The following CACHD1 variants were observed in gnomAD, a reference collection of about 807,000 sequenced individuals.
CACHD1 encodes the protein cache domain containing 1.
A neutral mutation model predicts 138.7 loss-of-function variants in CACHD1; 71 were observed. The observed-to-expected ratio is 0.51, with a 90% CI of 0.42 to 0.62. The LOEUF is 0.62. Ranked by LOEUF, CACHD1 falls within the 20% of genes least tolerant of loss-of-function variation. The pLI is 0.00. For synonymous variants in CACHD1, 578 were observed against 591.5 expected (o/e 0.98, Z 0.33); for missense variants, 1,389 against 1,625.3 (o/e 0.85, Z 2.50).
At chr1:64,486,005 T>C (rs1159848039) in intron 1 of CACHD1, among the ~76,000 whole-genome samples, 1 of 152,202 alleles carries the variant, frequency 6.6e-6, no homozygotes, top group Non-Finnish European at 1.5e-5. Flanking sequence ...TCCTGGTTGC[T>C]CCACAGCCTC....
chr1:64,623,040 GT>G (rs985113687), intron 4 of CACHD1, among the ~76,000 whole-genome samples: 1 of 152,116 alleles, frequency 6.6e-6, no homozygotes, highest in African/African-American at 2.4e-5. Flanking sequence ...GAGTGTCTAG[GT>G]TTTAAGACAT....
At position 64,529,651 on chromosome 1, in the gene CACHD1, G is replaced by A. The variant is rs1448865958; in HGVS notation, c.199-20943G>A. ...ACACAACAGTCCTATGAAGTGGAAGGGAAGGAACTTAGGGCTTAGGTAATG... is the reference window on the plus strand; with the variant it reads ...ACACAACAGTCCTATGAAGTGGAAGAGAAGGAACTTAGGGCTTAGGTAATG... On this transcript the variant is annotated intron_variant, in intron 1 of 26. Transcript: ENST00000651257. Among the ~76,000 whole-genome samples the A allele has an allele frequency of 2.0e-5, 3 of 152,204 alleles. No homozygotes were observed. The East Asian group carries it at 5.8e-4, about 29-fold the overall frequency.
intron 1 of CACHD1, among the ~76,000 whole-genome samples, chr1:64,526,290 T>C (rs1440692252): frequency 6.6e-6 from 1 of 152,240 alleles, no homozygotes; most frequent in Non-Finnish European, 1.5e-5. Flanking sequence ...GTTTCTCTTC[T>C]CTGTGGCCCT....
At chr1:64,665,168 TCTAC>T (rs1324162710) in intron 15 of CACHD1, among the ~76,000 whole-genome samples, 1 of 151,770 alleles carries the variant, frequency 6.6e-6, no homozygotes, top group East Asian at 1.9e-4. Flanking sequence ...GAACAGAAAA[TCTAC>T]CTAGCCTCTA....
chr1:64,511,369 T>A (rs996693911), intron 1 of CACHD1, among the ~76,000 whole-genome samples: 1 of 152,188 alleles, frequency 6.6e-6, no homozygotes, highest in Non-Finnish European at 1.5e-5. Flanking sequence ...CCTGGTTCTT[T>A]CCATTATAGC....
intron 1 of CACHD1, among the ~76,000 whole-genome samples, chr1:64,510,261 A>G (rs1005983288): frequency 6.6e-6 from 1 of 152,190 alleles, no homozygotes; most frequent in Admixed American, 6.5e-5. Flanking sequence ...AGTTTTGGAC[A>G]TTTATTGCTG....
intron 1 of CACHD1, among the ~76,000 whole-genome samples, chr1:64,527,929 G>C (rs1304175644): frequency 6.6e-6 from 1 of 152,166 alleles, no homozygotes; most frequent in Non-Finnish European, 1.5e-5. Flanking sequence ...CCCAGTGCTT[G>C]TGGAATCTCA....
intron 1 of CACHD1, among the ~76,000 whole-genome samples, chr1:64,474,587 T>A (rs577960836): frequency 6.6e-6 from 1 of 152,360 alleles, no homozygotes; most frequent in East Asian, 1.9e-4. Context: ...CATGGAGCTC[T>A]ATGCTGGGTA....
At chr1:64,494,517 A>G (rs1646295706) in intron 1 of CACHD1, among the ~76,000 whole-genome samples, 1 of 152,180 alleles carries the variant, frequency 6.6e-6, no homozygotes, top group African/African-American at 2.4e-5. Context: ...GGATGGTTCT[A>G]ACGACAAAGA....
At chr1:64,676,051 A>G in intron 21 of CACHD1, 68 bp downstream of exon 21, 1 of 570,418 alleles carries the variant, frequency 1.8e-6, no homozygotes, top group Non-Finnish European at 2.5e-6. Context: ...CATATGTAAT[A>G]CTGTGAGTCT....
chr1:64,569,367 C>G (rs1453349257), intron 2 of CACHD1, among the ~76,000 whole-genome samples: 1 of 152,214 alleles, frequency 6.6e-6, no homozygotes, highest in African/African-American at 2.4e-5. Context: ...CACCACCACA[C>G]ACATTTAAGT....
In CACHD1 at chr1:64,602,788, T is replaced by C; in HGVS notation, c.411-18T>C. ...TCTGGCCTGAATAAGTATTGCTAAT[T>C]CTCTCCTATTGTTTCAGATTCGATG... On this transcript the variant is annotated intron_variant, in intron 3 of 26. Coordinates refer to ENST00000651257, the MANE Select transcript of CACHD1 (RefSeq NM_020925.4). The C allele has an allele frequency of 6.5e-7, 1 of 1,548,890 alleles. No individual in the cohort carries two copies. Among genetic ancestry groups the C allele is most frequent in the Non-Finnish European group, 8.9e-7 (1 of 1,120,668 alleles).
intron 2 of CACHD1, among the ~76,000 whole-genome samples, chr1:64,570,245 A>G (rs1646915601): frequency 6.6e-6 from 1 of 152,224 alleles, no homozygotes; most frequent in Admixed American, 6.5e-5. Flanking sequence ...GGAACCCCTG[A>G]ATTCAGTAAA....
intron 14 of CACHD1, chr1:64,664,237 T>C (rs1649549918): frequency 1.9e-6 from 1 of 535,832 alleles, no homozygotes; most frequent in Non-Finnish European, 3.3e-6. Flanking sequence ...TGTATATTAA[T>C]GACTCGCTAT....
intron 5 of CACHD1, among the ~76,000 whole-genome samples, chr1:64,631,374 A>G (rs762617578): frequency 3.3e-5 from 5 of 152,052 alleles, no homozygotes; most frequent in Non-Finnish European, 7.4e-5. Flanking sequence ...TTTTTATTGC[A>G]TTTCCCTAGT....
intron 1 of CACHD1, among the ~76,000 whole-genome samples, chr1:64,487,846 T>C (rs1646252333): frequency 6.6e-6 from 1 of 152,192 alleles, no homozygotes; most frequent in African/African-American, 2.4e-5. Flanking sequence ...TTTTGTGAGG[T>C]GATGTGATTG....
In CACHD1 at chr1:64,498,934, TATTA is replaced by T. The variant is rs1239211355; in HGVS notation, c.198+27997_198+28000del. Among the ~76,000 whole-genome samples, 20 of 152,372 alleles carry T rather than the reference TATTA, an allele frequency of 1.3e-4. No homozygotes were observed. The East Asian group carries it at 3.7e-3, about 28-fold the overall frequency. Reference sequence around the variant, plus strand: ...CAGAATGGAGAACCATCTAAAACAGTATTAATTATTTCAGCCTTGCTGTAGCCAG... The same window carrying T: ...CAGAATGGAGAACCATCTAAAACAGTATTATTTCAGCCTTGCTGTAGCCAG... On this transcript the variant is annotated intron_variant, in intron 1 of 26. Transcript: ENST00000651257.
intron 1 of CACHD1, among the ~76,000 whole-genome samples, chr1:64,496,494 C>G (rs1175335505): frequency 6.6e-6 from 1 of 152,062 alleles, no homozygotes; most frequent in Non-Finnish European, 1.5e-5. Context: ...CCTTCCCAGT[C>G]TAATTTTCTA....
chr1:64,554,823 T>C (rs1293588099), intron 2 of CACHD1, among the ~76,000 whole-genome samples: 5 of 152,218 alleles, frequency 3.3e-5, no homozygotes, highest in Admixed American at 1.3e-4. Flanking sequence ...CATGTATGAC[T>C]ACCGAGTAAC....
Sources: gnomAD v4.1 joint callset for allele counts (sites outside exome capture counted in the v4.1 genomes callset) on GRCh38, gnomAD v4.1.1 for gene constraint, MANE v1.5 for transcripts, NCBI Gene and HGNC (gene_info 2026-07-23, HGNC 2026-07-21) for gene names.